C6orf52: variants seen among roughly 807,000 people sequenced by gnomAD.
C6orf52 encodes chromosome 6 open reading frame 52.
C6orf52 carries 16 observed loss-of-function variants against 16.6 expected under a neutral mutation model. The ratio of observed to expected loss-of-function variants is 0.96; its 90% confidence interval spans 0.65 to 1.46. C6orf52 has a LOEUF of 1.46. Ranked by LOEUF, C6orf52 falls within the 40% of genes most tolerant of loss-of-function variation. The pLI, the probability that C6orf52 is intolerant of heterozygous loss-of-function variation, is 0.00. For synonymous variants in C6orf52, 53 were observed against 61.4 expected, an observed-to-expected ratio of 0.86 and a Z score of 0.64; for missense variants, 166 against 182.3, an observed-to-expected ratio of 0.91 and a Z score of 0.52.
chr6:10,672,751 C>A (rs996724585), intron 4 of C6orf52: 17 of 512,310 alleles, frequency 3.3e-5, no homozygotes, highest in Non-Finnish European at 4.5e-5. Context: ...AGGCTGCTGT[C>A]TGCAAGCCAA....
intron 4 of C6orf52, chr6:10,672,663 T>TA (rs1561863631): frequency 6.0e-6 from 4 of 671,932 alleles, no homozygotes; most frequent in East Asian, 2.7e-5. Context: ...TAATTTTTTT[T>TA]AAAAAAAGAG....
At chr6:10,694,340 T>G (rs1315011819) in intron 1 of C6orf52, among the ~76,000 whole-genome samples, 154 bp downstream of exon 1, 1 of 150,370 alleles carries the variant, frequency 6.7e-6, no homozygotes, top group Non-Finnish European at 1.5e-5. Context: ...AGCCCCAGAG[T>G]TAGACAAGCA....
chr6:10,671,555 A>C lies in C6orf52; in HGVS notation c.360T>G (p.Phe120Leu). ...HLNIEESNQE[F>L]MVKSEELYDS... Reference sequence around the variant, plus strand: ...CGTAGAGTTCTTCACTTTTCACCATAAACTCTTGGTTTGATTCCTCAATAT... The same window carrying C: ...CGTAGAGTTCTTCACTTTTCACCATCAACTCTTGGTTTGATTCCTCAATAT... The change falls in exon 5 of 5, where the codon TTT (phenylalanine) becomes TTG (leucine). Residue 120 changes from phenylalanine to leucine, a missense_variant. Transcript: ENST00000259983. The C allele has an allele frequency of 6.5e-7, 1 of 1,548,324 alleles. No homozygotes were observed. The highest frequency in any genetic ancestry group is 8.7e-7 in the Non-Finnish European group (1 of 1,144,526).
chr6:10,689,907 C>G (rs1412814427), intron 1 of C6orf52, among the ~76,000 whole-genome samples: 1 of 152,234 alleles, frequency 6.6e-6, no homozygotes, highest in Non-Finnish European at 1.5e-5. Context: ...AACACAATTC[C>G]TAACTACTGT....
At chr6:10,684,210 G>C (rs1197743567) in intron 3 of C6orf52, among the ~76,000 whole-genome samples, 1 of 152,158 alleles carries the variant, frequency 6.6e-6, no homozygotes, top group Non-Finnish European at 1.5e-5. Context: ...TGGAAGGCTG[G>C]AGCAGGAGGA....
At chr6:10,673,843 G>A (rs1767634169) in intron 4 of C6orf52, among the ~76,000 whole-genome samples, 1 of 151,982 alleles carries the variant, frequency 6.6e-6, no homozygotes, top group South Asian at 2.1e-4. Context: ...GCAGGTGAGG[G>A]GGCAGCCATT....
chr6:10,686,533 G>A (rs1768881173), intron 3 of C6orf52, among the ~76,000 whole-genome samples: 1 of 152,150 alleles, frequency 6.6e-6, no homozygotes. Context: ...GTGTGTTTAT[G>A]TCCAACTGCT....
At chr6:10,684,626 C>T (rs1768700145) in intron 3 of C6orf52, among the ~76,000 whole-genome samples, 2 of 152,168 alleles carry the variant, frequency 1.3e-5, no homozygotes, top group African/African-American at 4.8e-5. Flanking sequence ...CACAAAGACC[C>T]GAGAATCATT....
In C6orf52 at chr6:10,694,564, CACA is replaced by C; in HGVS notation, c.-85_-83del. ...ACTCCTACCCTACTAGTACACAGCC[CACA>C]ACAATGCACGCTGCCGGCGCTACAG... On this transcript the variant is annotated 5_prime_UTR_variant, in exon 1 of 5. Transcript: ENST00000259983. 5.5e-6 allele frequency: 1 copy of C among 183,092 alleles called. No individual in the cohort carries two copies. Among genetic ancestry groups the C allele is most frequent in the South Asian group, 8.3e-5 (1 of 12,038 alleles). The allele number at this position is 183,092 out of a possible 1,614,324, so 11.3% of individuals were successfully genotyped here.
intron 3 of C6orf52, among the ~76,000 whole-genome samples, chr6:10,684,403 T>TAACC (rs1180288802): frequency 1.3e-5 from 2 of 152,206 alleles, no homozygotes; most frequent in African/African-American, 4.8e-5. Flanking sequence ...AAGACTTGAG[T>TAACC]AACCACACAT....
At chr6:10,692,229 G>T (rs1209631231) in intron 1 of C6orf52, among the ~76,000 whole-genome samples, 1 of 152,160 alleles carries the variant, frequency 6.6e-6, no homozygotes, top group Non-Finnish European at 1.5e-5. Flanking sequence ...GGAGTAAAAT[G>T]CATAAAGGCA....
In C6orf52 at chr6:10,690,872, A is replaced by G. The variant is rs187489170; in HGVS notation, c.-11-3311T>C. On this transcript the variant is annotated intron_variant, in intron 1 of 4. Transcript: ENST00000259983. ...TTGGAAAGAGAATAGGAGGATTTACAGGAAGTTATGCTCAGTTCCAATCCA... is the reference window on the plus strand; with the variant it reads ...TTGGAAAGAGAATAGGAGGATTTACGGGAAGTTATGCTCAGTTCCAATCCA... Among the ~76,000 whole-genome samples, 21 of 152,354 alleles carry G rather than the reference A, an allele frequency of 1.4e-4. No homozygotes were observed. The East Asian group carries it at 3.9e-3, about 28-fold the overall frequency.
intron 4 of C6orf52, among the ~76,000 whole-genome samples, chr6:10,679,101 T>A (rs1299400604): frequency 3.4e-5 from 5 of 148,598 alleles, no homozygotes; most frequent in Admixed American, 2.0e-4. Flanking sequence ...CAAAAAAAAA[T>A]AAAATAAAAG....
At chr6:10,678,527 G>A (rs955591418) in intron 4 of C6orf52, among the ~76,000 whole-genome samples, 1 of 152,220 alleles carries the variant, frequency 6.6e-6, no homozygotes. Flanking sequence ...GGCAGAGTCT[G>A]TAGGGTTTTC....
At chr6:10,687,220 C>A in intron 2 of C6orf52, 56 bp from the exon 3 acceptor site, 1 of 1,298,916 alleles carries the variant, frequency 7.7e-7, no homozygotes, top group Non-Finnish European at 1.1e-6. Flanking sequence ...ACCCCCAAAC[C>A]CTTTCTTCTT....
rs563698821 is a variant in C6orf52 at position 10,684,117 on chromosome 6, T to G, written c.271-885A>C. Among the ~76,000 whole-genome samples the G allele has an allele frequency of 4.9e-4, 75 of 152,312 alleles. 1 individual carries two copies. Among genetic ancestry groups the G allele is most frequent in the African/African-American group, 1.7e-3 (72 of 41,568 alleles). On this transcript the variant is annotated intron_variant, in intron 3 of 4. Transcript: ENST00000259983. ...ATAGGTTATATAGTTACCATAAATT[T>G]CAAAAGACAATCTGTCTTTTTTCTA... is the stretch of plus-strand genomic sequence containing the variant.
In C6orf52 at chr6:10,684,830, C is replaced by T. The variant is rs764638694; in HGVS notation, c.271-1598G>A. ...AAATGGGGATGTGGGAGTAAAAGAG[C>T]GCCACCACAGAGGCTTACCATCTTT... On this transcript the variant is annotated intron_variant, in intron 3 of 4. Transcript: ENST00000259983. The T allele has an allele frequency of 5.1e-5, 65 of 1,285,378 alleles. No individual in the cohort carries two copies. The African/African-American group carries it at 7.8e-4, about 15-fold the overall frequency. The allele number at this position is 1,285,378 out of a possible 1,614,324, so 79.6% of individuals were successfully genotyped here.
intron 1 of C6orf52, among the ~76,000 whole-genome samples, chr6:10,688,000 A>G (rs560897422): frequency 1.3e-5 from 2 of 152,302 alleles, no homozygotes; most frequent in African/African-American, 4.8e-5. Flanking sequence ...ACCTGCTGAG[A>G]ATAACTATTG....
intron 1 of C6orf52, among the ~76,000 whole-genome samples, chr6:10,694,183 C>A (rs1769625720): frequency 6.6e-6 from 1 of 150,468 alleles, no homozygotes; most frequent in South Asian, 2.1e-4. Flanking sequence ...TTGCTTGAAC[C>A]CGGGAGGCAG....
Sources: allele counts gnomAD v4.1 joint callset (sites outside exome capture counted in the v4.1 genomes callset), GRCh38; gene constraint gnomAD v4.1.1; transcripts MANE v1.5; gene names NCBI Gene and HGNC (gene_info 2026-07-23, HGNC 2026-07-21).